SMIM40: variants seen among roughly 807,000 people sequenced by gnomAD.
The protein encoded by SMIM40 is small integral membrane protein 40.
Position 33,329,209 on chromosome 6 carries a change from A to C in SMIM40, c.57T>G (p.Gly19=). The C allele has an allele frequency of 2.5e-6, 1 of 398,658 alleles. No homozygotes were observed. The highest frequency in any genetic ancestry group is 4.4e-6 in the Non-Finnish European group (1 of 226,116). 24.7% of individuals were successfully genotyped at this position (398,658 alleles called of 1,614,324 possible). The change falls in exon 1 of 3, where the codon GGT becomes GGG. Residue 19 remains glycine (G), a synonymous_variant. Coordinates refer to ENST00000494082, the MANE Select transcript of SMIM40 (RefSeq NM_001369203.1). ...GCACGGGACCCCTGGGAGGGGAGGGACCCTGGGCAAATGCCAGGAACACAT... is the reference window on the plus strand; with the variant it reads ...GCACGGGACCCCTGGGAGGGGAGGGCCCCTGGGCAAATGCCAGGAACACAT... ...EADVFLAFAQ[G]PSPPRGPVRR...
intron 1 of SMIM40, among the ~76,000 whole-genome samples, chr6:33,328,661 G>A (rs1257624407): frequency 2.0e-5 from 3 of 151,760 alleles, no homozygotes; most frequent in African/African-American, 7.3e-5. Context: ...GGCCAAGGCA[G>A]GCAGATACCT....
chr6:33,324,728 CA>C (rs572614773), intron 1 of SMIM40, among the ~76,000 whole-genome samples: 1 of 148,730 alleles, frequency 6.7e-6, no homozygotes, highest in Admixed American at 6.7e-5. Context: ...ACTAAAAATA[CA>C]AAAAAATTAG....
intron 1 of SMIM40, among the ~76,000 whole-genome samples, chr6:33,327,596 A>G (rs979169394): frequency 2.6e-5 from 4 of 151,612 alleles, no homozygotes; most frequent in African/African-American, 9.8e-5. Flanking sequence ...GCAGTGGCTC[A>G]TGCCTGTAAT....
At chr6:33,324,718 A>G (rs1259526255) in intron 1 of SMIM40, among the ~76,000 whole-genome samples, 2 of 147,684 alleles carry the variant, frequency 1.4e-5, no homozygotes, top group African/African-American at 5.1e-5. Context: ...CCCCGTCTCT[A>G]CTAAAAATAC....
chr6:33,324,416 C>T (rs1460304605), intron 1 of SMIM40, among the ~76,000 whole-genome samples: 1 of 150,004 alleles, frequency 6.7e-6, no homozygotes, highest in African/African-American at 2.4e-5. Context: ...GAATAGTTCT[C>T]TTTTTTCCCC....
chr6:33,326,163 CT>C (rs770269427), intron 1 of SMIM40, among the ~76,000 whole-genome samples: 9,598 of 135,576 alleles, frequency 0.071, 1,212 homozygotes, highest in African/African-American at 0.21. Context: ...CTAATTTATA[CT>C]TTTTTTTTTT....
chr6:33,325,524 T>C (rs1291619413), intron 1 of SMIM40, among the ~76,000 whole-genome samples: 2 of 148,448 alleles, frequency 1.3e-5, no homozygotes, highest in East Asian at 2.0e-4. Context: ...TCTTATTAAA[T>C]ATTTCTTTTT....
At chr6:33,325,732 C>G (rs1046045588) in intron 1 of SMIM40, among the ~76,000 whole-genome samples, 9 of 146,480 alleles carry the variant, frequency 6.1e-5, no homozygotes, top group Admixed American at 2.7e-4. Flanking sequence ...TGGTGGGCGC[C>G]TTGTAGACCC....
At position 33,329,000 on chromosome 6, in the gene SMIM40, AAAG is replaced by A. The variant is rs1051907128; in HGVS notation, c.*23_*25del. The A allele has an allele frequency of 7.5e-6, 3 of 398,190 alleles. No individual in the cohort carries two copies. The highest frequency in any genetic ancestry group is 4.4e-5 in the Admixed American group (1 of 22,664). The allele number at this position is 398,190 out of a possible 1,614,324, so 24.7% of individuals were successfully genotyped here. On this transcript the variant is annotated 3_prime_UTR_variant, in exon 1 of 3. Transcript: ENST00000494082. ...CTCCCCTCTCACCTCCTTGGTGGGG[AAAG>A]AAGATGTTTATAGGAAAGGTGGTCA...
In SMIM40 at chr6:33,329,014, T is replaced by A; in HGVS notation, c.*12A>T. The A allele has an allele frequency of 2.5e-6, 1 of 398,600 alleles. No homozygotes were observed. Among genetic ancestry groups the A allele is most frequent in the East Asian group, 3.6e-5 (1 of 28,056 alleles). 24.7% of individuals were successfully genotyped at this position (398,600 alleles called of 1,614,324 possible). A position where few individuals can be genotyped will look rare whatever the true frequency, so the allele number is the denominator to read the frequency against. ...CCTTGGTGGGGAAAGAAGATGTTTATAGGAAAGGTGGTCACAATTCCAGCT... is the reference window on the plus strand; with the variant it reads ...CCTTGGTGGGGAAAGAAGATGTTTAAAGGAAAGGTGGTCACAATTCCAGCT... On this transcript the variant is annotated 3_prime_UTR_variant, in exon 1 of 3. Transcript: ENST00000494082.
chr6:33,327,861 CAA>C (rs375476107), intron 1 of SMIM40, among the ~76,000 whole-genome samples: 2 of 70,328 alleles, frequency 2.8e-5, no homozygotes, highest in Non-Finnish European at 5.3e-5. Context: ...GACTCTGTCA[CAA>C]AAAAAAAAAA....
chr6:33,323,901 T>C (rs1770963864), intron 2 of SMIM40, 37 bp from the exon 3 acceptor site: 1 of 151,824 alleles, frequency 6.6e-6, no homozygotes, highest in African/African-American at 2.4e-5. Context: ...ATACTTTGGG[T>C]CTCCTCCTCC....
rs1771389811 is a variant in SMIM40 at position 33,329,035 on chromosome 6, C to T, written c.231G>A (p.Leu77=). ...TTTATAGGAAAGGTGGTCACAATTC[C>T]AGCTCCTCCTCCTTCTGAGGTGTCC... ...LLGTPQKEEE[L]EL is the part of the protein sequence containing the mutation. The change falls in exon 1 of 3, where the codon CTG becomes CTA. Residue 77 remains leucine (L), a synonymous_variant. Transcript: ENST00000494082. 1 of 398,780 alleles carries T rather than the reference C, an allele frequency of 2.5e-6. No individual in the cohort carries two copies. Among genetic ancestry groups the T allele is most frequent in the Non-Finnish European group, 4.4e-6 (1 of 226,218 alleles). The allele number at this position is 398,780 out of a possible 1,614,324, so 24.7% of individuals were successfully genotyped here.
At chr6:33,324,427 TC>T (rs56000998) in intron 1 of SMIM40, among the ~76,000 whole-genome samples, 4,073 of 148,738 alleles carry the variant, frequency 0.027, 78 homozygotes, top group Non-Finnish European at 0.038. Flanking sequence ...TTTTTTCCCC[TC>T]CCCCCTCAAA....
intron 1 of SMIM40, among the ~76,000 whole-genome samples, chr6:33,324,756 G>C (rs1199851729): frequency 6.7e-6 from 1 of 148,692 alleles, no homozygotes; most frequent in Non-Finnish European, 1.5e-5. Context: ...GTGGTGGCAG[G>C]CGCCTGTAGC....
Position 33,329,071 on chromosome 6 carries a change from G to A in SMIM40, c.195C>T (p.Asp65=). 1 of 398,694 alleles carries A rather than the reference G, an allele frequency of 2.5e-6. No homozygotes were observed. Among genetic ancestry groups the A allele is most frequent in the South Asian group, 1.3e-4 (1 of 7,856 alleles). The allele number at this position is 398,694 out of a possible 1,614,324, so 24.7% of individuals were successfully genotyped here. A position where few individuals can be genotyped will look rare whatever the true frequency, so the allele number is the denominator to read the frequency against. The change falls in exon 1 of 3, where the codon GAC becomes GAT. Residue 65 remains aspartate, a synonymous_variant. Transcript: ENST00000494082. ...LWLLLWAKLG[D]WLLGTPQKEE... is the part of the protein sequence containing the mutation. ...CCTTCTGAGGTGTCCCCAGGAGCCA[G>A]TCCCCTAACTTTGCCCATAGTAGTA...
intron 1 of SMIM40, among the ~76,000 whole-genome samples, chr6:33,328,608 G>A (rs1403576470): frequency 1.3e-5 from 2 of 151,060 alleles, no homozygotes; most frequent in Admixed American, 6.6e-5. Context: ...TGCTGCCCTG[G>A]CCGGGCGCAG....
intron 1 of SMIM40, among the ~76,000 whole-genome samples, chr6:33,326,104 A>T (rs1218114550): frequency 6.7e-6 from 1 of 149,332 alleles, no homozygotes; most frequent in Non-Finnish European, 1.5e-5. Flanking sequence ...GAGCTCAAGG[A>T]AAAAAGAGGT....
chr6:33,328,886 C>CAA (rs9280408), intron 1 of SMIM40, 101 bp downstream of exon 1: 91 of 275,186 alleles, frequency 3.3e-4, no homozygotes, highest in East Asian at 8.0e-4. Context: ...AACTCCATCT[C>CAA]AAAAAAAAAA....
Sources: allele counts gnomAD v4.1 joint callset (sites outside exome capture counted in the v4.1 genomes callset), GRCh38; gene constraint gnomAD v4.1.1; transcripts MANE v1.5; gene names NCBI Gene and HGNC (gene_info 2026-07-23, HGNC 2026-07-21).